ADAMTSL2: variants seen among roughly 807,000 people sequenced by gnomAD.
ADAMTSL2 encodes ADAMTS-like protein 2.
ADAMTSL2 carries 55 observed loss-of-function variants against 117.0 expected under a neutral mutation model. The ratio of observed to expected loss-of-function variants is 0.47; its 90% CI spans 0.38 to 0.59. The LOEUF is 0.59. ADAMTSL2 is among the 20% of genes least tolerant of loss of function. The pLI is 0.00. For synonymous variants in ADAMTSL2, 572 were observed against 566.4 expected (o/e 1.01, Z -0.14); for missense variants, 1,182 against 1,354.5 (o/e 0.87, Z 2.00).
At chr9:133,563,227 T>G (rs1830788956) in intron 12 of ADAMTSL2, among the ~76,000 whole-genome samples, 1 of 152,230 alleles carries the variant, frequency 6.6e-6, no homozygotes, top group East Asian at 1.9e-4. Context: ...TGCCACCACC[T>G]GATGCAGGGT....
rs1830593118 is a variant in ADAMTSL2, at chr9:133,555,800, C to T, written c.1519C>T (p.Pro507Ser). 3 of 1,613,838 alleles carry T rather than the reference C, an allele frequency of 1.9e-6. No individual in the cohort carries two copies. Among genetic ancestry groups the T allele is most frequent in the Admixed American group, 3.3e-5 (2 of 60,014 alleles). ...TTATGAGGAGAACGAGGGGGCTGGC[C>T]CTTACCTGCTCAACGGGTCCTACCT... ...VDYEENEGAG[P>S]YLLNGSYLEL... The change falls in exon 11 of 19, where the codon CCT becomes TCT. Residue 507 changes from proline to serine, a missense_variant. Around this residue, in one of 3 missense-constraint regions of ADAMTSL2, gnomAD observed 345 missense variants for 325.8 expected, o/e 1.06. Coordinates refer to ENST00000651351, the MANE Select transcript of ADAMTSL2 (RefSeq NM_014694.4).
At chr9:133,541,500 G>A (rs1469794748) in intron 7 of ADAMTSL2, among the ~76,000 whole-genome samples, 1 of 152,094 alleles carries the variant, frequency 6.6e-6, no homozygotes, top group Non-Finnish European at 1.5e-5. Context: ...TGTTGGCCAG[G>A]CTGGTTTCGA....
At chr9:133,550,932 C>T (rs1249024805) in intron 9 of ADAMTSL2, among the ~76,000 whole-genome samples, 2 of 152,092 alleles carry the variant, frequency 1.3e-5, no homozygotes, top group East Asian at 1.9e-4. Flanking sequence ...AAAGGAAGAC[C>T]TCCATCCTTT....
chr9:133,533,712 C>G (rs1448457632), upstream of ADAMTSL2, among the ~76,000 whole-genome samples: 1 of 152,144 alleles, frequency 6.6e-6, no homozygotes, highest in Non-Finnish European at 1.5e-5. Context: ...GCAGGGAGGA[C>G]AGAGGGAAGG....
intron 9 of ADAMTSL2, among the ~76,000 whole-genome samples, chr9:133,552,490 G>T (rs954609632): frequency 1.3e-5 from 2 of 152,230 alleles, no homozygotes; most frequent in African/African-American, 4.8e-5. Context: ...GTAATTGGGA[G>T]CGGGAGCGTA....
chr9:133,564,197 AG>A (rs1291152761), intron 12 of ADAMTSL2, among the ~76,000 whole-genome samples: 1 of 57,288 alleles, frequency 1.7e-5, no homozygotes, highest in Non-Finnish European at 3.6e-5. Flanking sequence ...AGAGAGAGAG[AG>A]GGAGAGAGAG....
At position 133,561,431 on chromosome 9, in the gene ADAMTSL2, T is replaced by G. The variant is rs367918775; in HGVS notation, c.1747+136T>G. 1,666 of 766,922 alleles carry G rather than the reference T, an allele frequency of 2.2e-3. 8 individuals are homozygous for G. Among genetic ancestry groups the G allele is most frequent in the South Asian group, 5.5e-3 (372 of 67,822 alleles). 47.5% of individuals were successfully genotyped at this position (766,922 alleles called of 1,614,324 possible). On this transcript the variant is annotated intron_variant, in intron 12 of 18. Coordinates refer to ENST00000651351, the MANE Select transcript of ADAMTSL2 (RefSeq NM_014694.4). ...GGGTGCTTGTCCGTGGCCTCCTGAC[T>G]TGGGGGCAGTGTGGCGTGATAGGAG...
At chr9:133,568,843 TTTTC>T in intron 15 of ADAMTSL2, 85 bp downstream of exon 15, 1 of 1,577,598 alleles carries the variant, frequency 6.3e-7, no homozygotes, top group Non-Finnish European at 8.7e-7. Flanking sequence ...GTTTCCATTT[TTTTC>T]CGAGGCAAGG....
At chr9:133,559,230 A>G (rs1830672381) in intron 11 of ADAMTSL2, among the ~76,000 whole-genome samples, 1 of 152,222 alleles carries the variant, frequency 6.6e-6, no homozygotes, top group African/African-American at 2.4e-5. Context: ...CCGTTCCCTG[A>G]AAGGACTTAC....
chr9:133,534,608 G>A (rs1830003528), upstream of ADAMTSL2: 3 of 1,266,398 alleles, frequency 2.4e-6, no homozygotes, highest in Non-Finnish European at 3.0e-6. Context: ...GCGCCAGGCC[G>A]GCCGGCGCGG....
At chr9:133,534,559 C>T (rs970363619), upstream of ADAMTSL2, 12 of 987,312 alleles carry the variant, frequency 1.2e-5, no homozygotes, top group African/African-American at 1.2e-4. Flanking sequence ...GCTGGGCCGG[C>T]CTGGCCGGGC....
intron 17 of ADAMTSL2, 141 bp from the exon 18 acceptor site, chr9:133,573,702 C>T (rs1435032286): frequency 1.2e-5 from 12 of 991,380 alleles, no homozygotes; most frequent in Admixed American, 6.0e-5. Context: ...TGGGCTTCCA[C>T]GGGTCCTGTG....
upstream of ADAMTSL2, among the ~76,000 whole-genome samples, chr9:133,533,300 G>A (rs1404136311): frequency 6.6e-6 from 1 of 152,154 alleles, no homozygotes; most frequent in Non-Finnish European, 1.5e-5. Flanking sequence ...CACACCGCAG[G>A]TGGCCCTGTG....
Position 133,536,643 on chromosome 9 carries a change from A to G in ADAMTSL2, c.-70A>G, listed in dbSNP as rs965701356. ...TGGCTGGGCCCCGAGGGCTCTTCCC[A>G]AAGCGTACCCTGGTCATCTGGAAGA... On this transcript the variant is annotated 5_prime_UTR_variant, in exon 2 of 19. Coordinates refer to ENST00000651351, the MANE Select transcript of ADAMTSL2 (RefSeq NM_014694.4). 2 of 1,613,788 alleles carry G rather than the reference A, an allele frequency of 1.2e-6. No individual in the cohort carries two copies. Among genetic ancestry groups the G allele is most frequent in the Non-Finnish European group, 8.5e-7 (1 of 1,179,972 alleles).
At chr9:133,572,987 G>A (rs1831145876) in intron 17 of ADAMTSL2, among the ~76,000 whole-genome samples, 1 of 152,208 alleles carries the variant, frequency 6.6e-6, no homozygotes, top group Non-Finnish European at 1.5e-5. Context: ...GCCTCTCCTC[G>A]CCTGCAGACG....
chr9:133,560,207 C>T (rs956969425), intron 11 of ADAMTSL2, among the ~76,000 whole-genome samples: 5 of 152,316 alleles, frequency 3.3e-5, no homozygotes, highest in Non-Finnish European at 7.4e-5. Flanking sequence ...TGAAGTATGG[C>T]GGCTTGGGGT....
intron 12 of ADAMTSL2, among the ~76,000 whole-genome samples, chr9:133,563,455 G>A (rs1026388324): frequency 7.5e-5 from 11 of 146,878 alleles, no homozygotes; most frequent in Middle Eastern, 3.4e-3. Context: ...GCCTGTGGGC[G>A]TTGTCACTAA....
At position 133,547,120 on chromosome 9, in the gene ADAMTSL2, G is replaced by C; in HGVS notation, c.846G>C (p.Thr282=). ...CCAAGAACTTCAACATCGCAGGCAC[G>C]GTGGTCAAGTACAGGCGGCCCATGG... ...DSPKNFNIAG[T]VVKYRRPMDV... Residue 282 remains threonine (T), a synonymous_variant, in exon 9 of 19, where the codon ACG becomes ACC. Transcript: ENST00000651351. 6.2e-7 allele frequency: 1 copy of C among 1,613,864 alleles called. No homozygotes were observed. The highest frequency in any genetic ancestry group is 8.5e-7 in the Non-Finnish European group (1 of 1,179,758).
chr9:133,555,844 G>A lies in ADAMTSL2; in HGVS notation c.1563G>A (p.Arg521=). The change falls in exon 11 of 19, where the codon AGG becomes AGA. Residue 521 remains arginine, a synonymous_variant. Coordinates refer to ENST00000651351, the MANE Select transcript of ADAMTSL2 (RefSeq NM_014694.4). ...CCTACCTGGAGCTGAGCAGCGACAGGGTTGCCAACAGCTCCTCCGAGGCCC... is the reference window on the plus strand; with the variant it reads ...CCTACCTGGAGCTGAGCAGCGACAGAGTTGCCAACAGCTCCTCCGAGGCCC... ...NGSYLELSSD[R]VANSSSEAPF... The A allele has an allele frequency of 3.1e-6, 5 of 1,613,496 alleles. No homozygotes were observed. In the South Asian group the frequency reaches 4.4e-5, roughly 14 times the overall value.
Sources: allele counts gnomAD v4.1 joint callset (sites outside exome capture counted in the v4.1 genomes callset), GRCh38; gene constraint gnomAD v4.1.1; regional missense constraint gnomAD v4.1.1; transcripts MANE v1.5; gene names NCBI Gene and HGNC (gene_info 2026-07-23, HGNC 2026-07-21).